Variants in AIG1 observed in about 807,000 individuals in gnomAD.
AIG1 encodes the protein androgen-induced gene 1 protein.
AIG1 carries 23 observed loss-of-function variants against 31.4 expected under a neutral mutation model. The ratio of observed to expected loss-of-function variants is 0.73; its 90% CI spans 0.53 to 1.04. The LOEUF (loss-of-function observed/expected upper bound fraction) is 1.04, where lower values mean the gene tolerates loss of function less well. Ranked by LOEUF, AIG1 falls within the 50% of genes least tolerant of loss-of-function variation. The pLI, the probability that AIG1 is intolerant of heterozygous loss-of-function variation, is 0.00. For missense variants in AIG1, 274 were observed against 295.0 expected (o/e 0.93, Z 0.52); for synonymous variants, 100 against 110.5 (o/e 0.90, Z 0.60).
intron 4 of AIG1, among the ~76,000 whole-genome samples, chr6:143,307,529 C>T (rs561203789): frequency 5.8e-4 from 89 of 152,260 alleles, no homozygotes; most frequent in African/African-American, 1.8e-3. Flanking sequence ...TCGTGAACCG[C>T]GAATGCTGCT....
chr6:143,078,830 A>T (rs1235825804), intron 1 of AIG1, among the ~76,000 whole-genome samples: 1 of 152,210 alleles, frequency 6.6e-6, no homozygotes. Flanking sequence ...ATCAAACATT[A>T]TGTGGTGAGG....
rs563894604 is a variant in AIG1 at position 143,303,262 on chromosome 6, G to A, written c.515+19037G>A. ...CCATTTGTCAATTTTGGCTTTTGTT[G>A]CCATTGCTTTTGGTGTTTTAGACAT... On this transcript the variant is annotated intron_variant, in intron 4 of 5. Transcript: ENST00000357847. Among the ~76,000 whole-genome samples the A allele has an allele frequency of 4.0e-5, 6 of 151,472 alleles. No individual in the cohort carries two copies. The East Asian group carries it at 5.8e-4, about 15-fold the overall frequency.
intron 1 of AIG1, among the ~76,000 whole-genome samples, chr6:143,074,184 G>C (rs1484896275): frequency 6.6e-6 from 1 of 152,158 alleles, no homozygotes; most frequent in Non-Finnish European, 1.5e-5. Flanking sequence ...TTCCCAATTT[G>C]TAAGTTGCCA....
intron 3 of AIG1, among the ~76,000 whole-genome samples, chr6:143,222,580 C>G (rs923040114): frequency 6.6e-6 from 1 of 152,162 alleles, no homozygotes; most frequent in Admixed American, 6.5e-5. Flanking sequence ...TCGCAGTTGA[C>G]AAACTAGAGG....
At chr6:143,184,027 C>G (rs1201631015) in intron 3 of AIG1, among the ~76,000 whole-genome samples, 5 of 152,198 alleles carry the variant, frequency 3.3e-5, no homozygotes, top group African/African-American at 1.2e-4. Flanking sequence ...AAAGAGGCTG[C>G]ATTTTCTATC....
chr6:143,255,563 C>G (rs1795320874), intron 3 of AIG1, among the ~76,000 whole-genome samples: 1 of 152,160 alleles, frequency 6.6e-6, no homozygotes, highest in Non-Finnish European at 1.5e-5. Context: ...GGTTCTAGCT[C>G]CAAATATAGT....
At chr6:143,309,761 A>G (rs1224885515) in intron 4 of AIG1, among the ~76,000 whole-genome samples, 1 of 152,050 alleles carries the variant, frequency 6.6e-6, no homozygotes, top group East Asian at 1.9e-4. Context: ...CAAGAAACTC[A>G]CTTTAAACAT....
intron 3 of AIG1, among the ~76,000 whole-genome samples, chr6:143,277,313 A>T (rs577783016): frequency 2.6e-5 from 4 of 152,182 alleles, no homozygotes; most frequent in African/African-American, 9.7e-5. Flanking sequence ...TTTTCATACT[A>T]TTCTTATTTA....
Position 143,292,208 on chromosome 6 carries a change from A to G in AIG1, c.515+7983A>G, listed in dbSNP as rs910666311. Among the ~76,000 whole-genome samples, 1 of 152,220 alleles carries G rather than the reference A, an allele frequency of 6.6e-6. No individual in the cohort carries two copies. ...CCCCCAAAGATATCCACATCCTAAAATCCCCAGAACTTGTGGATATGTTCC... is the reference window on the plus strand; with the variant it reads ...CCCCCAAAGATATCCACATCCTAAAGTCCCCAGAACTTGTGGATATGTTCC... On this transcript the variant is annotated intron_variant, in intron 4 of 5. Coordinates refer to ENST00000357847, the MANE Select transcript of AIG1 (RefSeq NM_016108.4). This position sits in a 1 kb window ranked among gnomAD's most constrained non-coding sequence, Gnocchi z 4.9.
chr6:143,224,974 T>C (rs1792831089), intron 3 of AIG1, among the ~76,000 whole-genome samples: 1 of 152,204 alleles, frequency 6.6e-6, no homozygotes, highest in Non-Finnish European at 1.5e-5. Flanking sequence ...GCCCGCTTAA[T>C]AAAGTTAAAA....
intron 1 of AIG1, among the ~76,000 whole-genome samples, chr6:143,104,475 T>C (rs1289378571): frequency 6.6e-6 from 1 of 152,226 alleles, no homozygotes; most frequent in African/African-American, 2.4e-5. Context: ...TTGTCCCAAG[T>C]GGGCATTTTG....
rs539704024 is a variant in AIG1 at position 143,172,729 on chromosome 6, A to G, written c.399+7546A>G. ...TTTTTGTTGGTAGCTTTTTATTACC[A>G]TTTCAATCTCGCTTCTTGTTATTGG... On this transcript the variant is annotated intron_variant, in intron 3 of 5. Coordinates refer to ENST00000357847, the MANE Select transcript of AIG1 (RefSeq NM_016108.4). Among the ~76,000 whole-genome samples, 3 of 152,138 alleles carry G rather than the reference A, an allele frequency of 2.0e-5. No homozygotes were observed. The South Asian group carries it at 6.2e-4, about 32-fold the overall frequency.
At chr6:143,108,807 G>A (rs1490193860) in intron 1 of AIG1, among the ~76,000 whole-genome samples, 1 of 152,140 alleles carries the variant, frequency 6.6e-6, no homozygotes, top group Admixed American at 6.5e-5. Context: ...ATTGACTACA[G>A]CTTACAGTGT....
intron 1 of AIG1, among the ~76,000 whole-genome samples, chr6:143,097,163 T>G (rs972488808): frequency 2.0e-5 from 3 of 152,052 alleles, no homozygotes; most frequent in African/African-American, 7.2e-5. Flanking sequence ...GTTTTTTGTT[T>G]TTTTTTTTCC....
At chr6:143,241,170 A>G (rs1794210039) in intron 3 of AIG1, among the ~76,000 whole-genome samples, 1 of 152,218 alleles carries the variant, frequency 6.6e-6, no homozygotes, top group Non-Finnish European at 1.5e-5. Context: ...CTCAAGGTAA[A>G]TGTTAGTCAC....
At chr6:143,221,713 T>C (rs755120562) in intron 3 of AIG1, among the ~76,000 whole-genome samples, 2 of 152,194 alleles carry the variant, frequency 1.3e-5, no homozygotes, top group Non-Finnish European at 2.9e-5. Flanking sequence ...ATTTCCTACT[T>C]TATGATATTC....
chr6:143,275,187 G>T (rs1796810544), intron 3 of AIG1, among the ~76,000 whole-genome samples: 1 of 152,152 alleles, frequency 6.6e-6, no homozygotes, highest in African/African-American at 2.4e-5. Context: ...TGACAAGGCT[G>T]CAGAGAGGTG....
intron 1 of AIG1, among the ~76,000 whole-genome samples, chr6:143,087,106 G>A (rs544387412): frequency 1.2e-3 from 189 of 152,324 alleles, no homozygotes; most frequent in African/African-American, 4.5e-3. Context: ...CAGGTGCCTA[G>A]TATTTTCCTT....
intron 1 of AIG1, among the ~76,000 whole-genome samples, chr6:143,080,191 C>G (rs1213107816): frequency 4.6e-5 from 7 of 152,182 alleles, no homozygotes; most frequent in African/African-American, 1.7e-4. Flanking sequence ...CCGCTCTTAA[C>G]TGCTTCATGC....
Sources: gnomAD v4.1 joint callset for allele counts (sites outside exome capture counted in the v4.1 genomes callset) on GRCh38, gnomAD v4.1.1 for gene constraint, Gnocchi (gnomAD v3.1) non-coding constraint, MANE v1.5 for transcripts, NCBI Gene and HGNC (gene_info 2026-07-23, HGNC 2026-07-21) for gene names.